The following MAF variants were observed in gnomAD, a reference collection of about 807,000 sequenced individuals.
MAF encodes transcription factor Maf.
A neutral mutation model predicts 22.0 loss-of-function variants in MAF; 10 were observed. The ratio of observed to expected loss-of-function variants is 0.45; its 90% confidence interval spans 0.28 to 0.77. MAF has a LOEUF of 0.77. Ranked by LOEUF, MAF falls within the 30% of genes least tolerant of loss-of-function variation. MAF has a pLI of 0.12. For missense variants in MAF, 544 were observed against 548.4 expected (o/e 0.99, Z 0.08); for synonymous variants, 337 against 255.8 (o/e 1.32, Z -3.03).
chr16:79,551,409 G>C, the MAF span, among the ~76,000 whole-genome samples: 1 of 152,140 alleles, frequency 6.6e-6, no homozygotes, highest in Admixed American at 6.5e-5. Context: ...ATGCCCTGTG[G>C]GTAATTTATG....
the MAF span, among the ~76,000 whole-genome samples, chr16:79,214,307 A>C: frequency 1.3e-5 from 2 of 152,194 alleles, no homozygotes; most frequent in African/African-American, 4.8e-5. Flanking sequence ...GTCACACAGC[A>C]AACTTACTGA....
At chr16:79,233,991 C>CAAA in the MAF span, among the ~76,000 whole-genome samples, 4 of 125,696 alleles carry the variant, frequency 3.2e-5, no homozygotes, top group African/African-American at 5.7e-5. Context: ...GACTCCATCG[C>CAAA]AAAAAAAAAA....
At chr16:79,461,567 C>G in the MAF span, among the ~76,000 whole-genome samples, 1 of 152,194 alleles carries the variant, frequency 6.6e-6, no homozygotes, top group Non-Finnish European at 1.5e-5. Context: ...TGAACACACT[C>G]ACATGGTACG....
chr16:79,402,759 ACG>A, the MAF span, among the ~76,000 whole-genome samples: 1 of 152,014 alleles, frequency 6.6e-6, no homozygotes, highest in Non-Finnish European at 1.5e-5. Flanking sequence ...ATTGGCAATG[ACG>A]CTGGATTAGG....
the MAF span, chr16:79,206,473 C>T: frequency 6.6e-6 from 1 of 152,228 alleles, no homozygotes; most frequent in Non-Finnish European, 1.5e-5. Flanking sequence ...GAAATACTAA[C>T]TGTCCCTGGC....
chr16:79,496,737 A>G, the MAF span, among the ~76,000 whole-genome samples: 1 of 152,232 alleles, frequency 6.6e-6, no homozygotes, highest in Non-Finnish European at 1.5e-5. Context: ...CAATGGGGCT[A>G]TGAAAATAAA....
the MAF span, among the ~76,000 whole-genome samples, chr16:79,400,594 C>A: frequency 6.6e-6 from 1 of 152,228 alleles, no homozygotes; most frequent in Admixed American, 6.5e-5. Context: ...AGAATACCCC[C>A]TTCACGGGTT....
chr16:79,210,318 C>G, the MAF span, among the ~76,000 whole-genome samples: 11 of 152,292 alleles, frequency 7.2e-5, no homozygotes, highest in African/African-American at 2.6e-4. Context: ...GACCCTATTT[C>G]TCAGTATGGA....
the MAF span, among the ~76,000 whole-genome samples, chr16:79,373,037 T>G: frequency 6.6e-6 from 1 of 152,186 alleles, no homozygotes; most frequent in African/African-American, 2.4e-5. Flanking sequence ...CATGGTTGCC[T>G]CACCTTTGCT....
the MAF span, among the ~76,000 whole-genome samples, chr16:79,362,862 G>T: frequency 6.6e-6 from 1 of 152,292 alleles, no homozygotes; most frequent in Non-Finnish European, 1.5e-5. Context: ...AAGAAAGTGT[G>T]CATTTATATC....
chr16:79,217,103 C>G, the MAF span, among the ~76,000 whole-genome samples: 2 of 152,234 alleles, frequency 1.3e-5, no homozygotes, highest in Non-Finnish European at 1.5e-5. Context: ...AGCCATCGCA[C>G]CCGGTGTCAT....
chr16:79,259,564 T>C, the MAF span, among the ~76,000 whole-genome samples: 13 of 152,168 alleles, frequency 8.5e-5, no homozygotes, highest in African/African-American at 3.1e-4. Flanking sequence ...GCAGGGCACG[T>C]AGTAGGTGCT....
At chr16:79,460,489 G>A in the MAF span, among the ~76,000 whole-genome samples, 1 of 152,070 alleles carries the variant, frequency 6.6e-6, no homozygotes, top group Non-Finnish European at 1.5e-5. Flanking sequence ...GTCCATTCCT[G>A]CAACATTATG....
At chr16:79,462,507 T>C in the MAF span, among the ~76,000 whole-genome samples, 1 of 152,206 alleles carries the variant, frequency 6.6e-6, no homozygotes, top group Non-Finnish European at 1.5e-5. Context: ...TGGTCTCTGA[T>C]TTTCTTTCTG....
the MAF span, among the ~76,000 whole-genome samples, chr16:79,345,947 G>T: frequency 5.3e-5 from 8 of 151,070 alleles, no homozygotes; most frequent in South Asian, 2.1e-4. Flanking sequence ...GAATAATTTT[G>T]AATTTGATCA....
the MAF span, among the ~76,000 whole-genome samples, chr16:79,478,443 C>G: frequency 6.6e-6 from 1 of 152,130 alleles, no homozygotes; most frequent in Admixed American, 6.5e-5. Flanking sequence ...TCCATGGCTA[C>G]CGGGTTCCAA....
chr16:79,273,144 T>G, the MAF span, among the ~76,000 whole-genome samples: 1 of 152,170 alleles, frequency 6.6e-6, no homozygotes, highest in Non-Finnish European at 1.5e-5. Flanking sequence ...TAGTCAGACC[T>G]TCAGGGAATC....
the MAF span, among the ~76,000 whole-genome samples, chr16:79,508,805 G>T: frequency 6.6e-6 from 1 of 152,152 alleles, no homozygotes; most frequent in African/African-American, 2.4e-5. Context: ...CTGAAATGTC[G>T]AGAAGAGGCA....
the MAF span, among the ~76,000 whole-genome samples, chr16:79,286,508 C>G: frequency 6.6e-6 from 1 of 152,224 alleles, no homozygotes; most frequent in East Asian, 1.9e-4. Context: ...TCTTCACTCA[C>G]ACATTTATTT....
Sources: gnomAD v4.1 joint callset for allele counts (sites outside exome capture counted in the v4.1 genomes callset) on GRCh38, gnomAD v4.1.1 for gene constraint, MANE v1.5 for transcripts, NCBI Gene and HGNC (gene_info 2026-07-23, HGNC 2026-07-21) for gene names.